Variants in SPTBN1 observed in about 807,000 individuals in gnomAD.
The protein encoded by SPTBN1 is spectrin beta chain, non-erythrocytic 1.
SPTBN1 carries 32 observed loss-of-function variants against 266.4 expected under a neutral mutation model. The observed-to-expected ratio is 0.12, with a 90% CI of 0.09 to 0.16. The LOEUF (loss-of-function observed/expected upper bound fraction) is 0.16, where lower values mean the gene tolerates loss of function less well. SPTBN1 is among the 10% of genes least tolerant of loss of function. The pLI is 1.00. For synonymous variants in SPTBN1, 1,336 were observed against 1,162.2 expected (o/e 1.15, Z -3.04); for missense variants, 2,296 against 3,067.1 (o/e 0.75, Z 5.94).
chr2:54,595,026 G>GT (rs1234704638), intron 2 of SPTBN1, among the ~76,000 whole-genome samples: 1 of 151,988 alleles, frequency 6.6e-6, no homozygotes, highest in Non-Finnish European at 1.5e-5. Flanking sequence ...TAGAGACAGA[G>GT]TTTCACCATG....
intron 2 of SPTBN1, among the ~76,000 whole-genome samples, chr2:54,593,455 G>C (rs1248124034): frequency 6.6e-6 from 1 of 152,170 alleles, no homozygotes; most frequent in Non-Finnish European, 1.5e-5. Flanking sequence ...GACTGCCAGA[G>C]CTGCAGCTGC....
At chr2:54,529,159 C>T (rs1402048456) in intron 2 of SPTBN1, among the ~76,000 whole-genome samples, 6 of 152,318 alleles carry the variant, frequency 3.9e-5, no homozygotes, top group Admixed American at 1.3e-4. Flanking sequence ...ACATATCCAA[C>T]AGGCCAGGTG....
rs1336499319 is a variant in SPTBN1 at position 54,645,056 on chromosome 2, A to G, written c.4270-173A>G. ...GGGCAAATGAATTTACCTCAGATTT[A>G]CTTGAAAACAGTTCCATTGATGTTG... On this transcript the variant is annotated intron_variant, in intron 20 of 35. Coordinates refer to ENST00000356805, the MANE Select transcript of SPTBN1 (RefSeq NM_003128.3). The surrounding 1 kb of genome is among the most constrained non-coding windows in gnomAD (Gnocchi z 4.3). 3.2e-6 allele frequency: 2 copies of G among 628,512 alleles called. No individual in the cohort carries two copies. The highest frequency in any genetic ancestry group is 3.7e-5 in the African/African-American group (2 of 54,390). The allele number at this position is 628,512 out of a possible 1,614,324, so 38.9% of individuals were successfully genotyped here. A position where few individuals can be genotyped will look rare whatever the true frequency, so the allele number is the denominator to read the frequency against.
intron 2 of SPTBN1, among the ~76,000 whole-genome samples, chr2:54,588,639 G>C (rs769908856): frequency 2.0e-5 from 3 of 152,172 alleles, no homozygotes; most frequent in Non-Finnish European, 4.4e-5. Flanking sequence ...AGATCCTAAT[G>C]CAGCATCACT....
At chr2:54,634,549 A>T (rs1174192261) in intron 17 of SPTBN1, among the ~76,000 whole-genome samples, 1 of 152,140 alleles carries the variant, frequency 6.6e-6, no homozygotes, top group Non-Finnish European at 1.5e-5. Flanking sequence ...CTGAATTCTG[A>T]TTTCACTTTA....
chr2:54,630,176 G>C, intron 15 of SPTBN1, 147 bp downstream of exon 15: 1 of 1,093,446 alleles, frequency 9.1e-7, no homozygotes, highest in Non-Finnish European at 1.3e-6. Context: ...CCTGCCTTTT[G>C]ACATGTCCTT....
intron 17 of SPTBN1, 27 bp downstream of exon 17, chr2:54,632,795 A>G (rs1162230456): frequency 1.2e-6 from 2 of 1,610,426 alleles, no homozygotes; most frequent in Non-Finnish European, 1.7e-6. Context: ...TTCTTAAGGG[A>G]GCCTTGCACC....
At chr2:54,666,657 G>A (rs1681388539) in intron 34 of SPTBN1, among the ~76,000 whole-genome samples, 2 of 152,192 alleles carry the variant, frequency 1.3e-5, no homozygotes, top group African/African-American at 4.8e-5. Context: ...CTACAGAGTG[G>A]AGCTAAGCTC....
intron 1 of SPTBN1, among the ~76,000 whole-genome samples, chr2:54,525,221 T>C (rs145489479): frequency 6.3e-4 from 96 of 152,322 alleles, no homozygotes; most frequent in Middle Eastern, 3.4e-3. Flanking sequence ...GCACTGGTAC[T>C]GTCCTTGGTT....
intron 1 of SPTBN1, among the ~76,000 whole-genome samples, chr2:54,517,130 GGA>G (rs1440806008): frequency 4.3e-4 from 5 of 11,590 alleles, no homozygotes; most frequent in Non-Finnish European, 7.1e-4. Context: ...TGCTGGAGGG[GGA>G]TGGATAGTGA....
intron 32 of SPTBN1, chr2:54,660,414 C>T (rs181692968): frequency 9.2e-6 from 10 of 1,091,826 alleles, no homozygotes; most frequent in Non-Finnish European, 1.1e-5. Context: ...AGGTATGACA[C>T]ATTCAGTTAT....
In SPTBN1 at chr2:54,655,061, T is replaced by C; in HGVS notation, c.5823-9T>C. ...TCTCCTAACGGAGGCATCGTTTGTC[T>C]AATTTTAGGGATGTATCATCTGTTG... On this transcript the variant is annotated splice_polypyrimidine_tract_variant and intron_variant, in intron 27 of 35. Transcript: ENST00000356805. 1 of 1,606,464 alleles carries C rather than the reference T, an allele frequency of 6.2e-7. No homozygotes were observed. Among genetic ancestry groups the C allele is most frequent in the East Asian group, 2.2e-5 (1 of 44,702 alleles).
intron 2 of SPTBN1, among the ~76,000 whole-genome samples, chr2:54,595,502 A>G (rs1191568422): frequency 6.6e-6 from 1 of 152,186 alleles, no homozygotes; most frequent in Non-Finnish European, 1.5e-5. Flanking sequence ...GGAGAATGGA[A>G]ATGGTGTGAG....
intron 1 of SPTBN1, among the ~76,000 whole-genome samples, chr2:54,519,892 C>T (rs1422713635): frequency 6.6e-6 from 1 of 151,904 alleles, no homozygotes; most frequent in Non-Finnish European, 1.5e-5. Flanking sequence ...AAGGTGACTG[C>T]GAAGGTTTGT....
intron 32 of SPTBN1, chr2:54,661,189 A>G (rs1419320219): frequency 4.1e-5 from 40 of 985,616 alleles, no homozygotes; most frequent in Non-Finnish European, 4.7e-5. Flanking sequence ...GATGGTATCT[A>G]TCAGGCCACC....
intron 1 of SPTBN1, among the ~76,000 whole-genome samples, chr2:54,523,178 TA>T: frequency 6.6e-6 from 1 of 152,372 alleles, no homozygotes; most frequent in East Asian, 1.9e-4. Context: ...AATGCCACTG[TA>T]AGATCATTCA....
At chr2:54,469,008 T>G (rs544999929) in intron 1 of SPTBN1, among the ~76,000 whole-genome samples, 1 of 152,330 alleles carries the variant, frequency 6.6e-6, no homozygotes, top group African/African-American at 2.4e-5. Flanking sequence ...CTCAGCTTTC[T>G]TGGGGTCTTT....
At chr2:54,630,123 A>G (rs1678634146) in intron 15 of SPTBN1, 94 bp downstream of exon 15, 1 of 1,490,308 alleles carries the variant, frequency 6.7e-7, no homozygotes, top group Non-Finnish European at 9.0e-7. Context: ...AATTTCCCAC[A>G]TGGGGTCATC....
intron 2 of SPTBN1, among the ~76,000 whole-genome samples, chr2:54,579,000 G>A (rs987461059): frequency 1.3e-5 from 2 of 152,128 alleles, no homozygotes; most frequent in African/African-American, 4.8e-5. Flanking sequence ...TTTCTTTTGA[G>A]GGTGCTATAG....
Sources: allele counts gnomAD v4.1 joint callset (sites outside exome capture counted in the v4.1 genomes callset), GRCh38; gene constraint gnomAD v4.1.1; non-coding constraint Gnocchi (gnomAD v3.1); transcripts MANE v1.5; gene names NCBI Gene and HGNC (gene_info 2026-07-23, HGNC 2026-07-21).